The following PNKD variants were observed in gnomAD, a reference collection of about 807,000 sequenced individuals.
The protein encoded by PNKD is PNKD metallo-beta-lactamase domain containing.
PNKD carries 36 observed loss-of-function variants against 45.3 expected under a neutral mutation model. The ratio of observed to expected loss-of-function variants is 0.80; its 90% CI spans 0.61 to 1.05. PNKD has a LOEUF of 1.05. Ranked by LOEUF, PNKD falls within the 50% of genes least tolerant of loss-of-function variation. The probability of loss-of-function intolerance (pLI) is 0.00; values close to 1 mark genes in which losing one functional copy is unlikely to be tolerated. For missense variants in PNKD, 511 were observed against 506.6 expected, an observed-to-expected ratio of 1.01 and a Z score of -0.08; for synonymous variants, 197 against 210.1, an observed-to-expected ratio of 0.94 and a Z score of 0.54.
chr2:218,272,712 TCCTC>T, intron 2 of PNKD: 1 of 1,614,184 alleles, frequency 6.2e-7, no homozygotes, highest in Non-Finnish European at 8.5e-7. Context: ...GTTCAGGGCT[TCCTC>T]CCAGAGTGCC....
chr2:218,287,565 C>G (rs1246545482), intron 2 of PNKD, among the ~76,000 whole-genome samples: 1 of 152,110 alleles, frequency 6.6e-6, no homozygotes, highest in East Asian at 1.9e-4. Flanking sequence ...AAAAAATTAG[C>G]TGGGCGTGAT....
chr2:218,339,720 A>T (rs944738830), intron 2 of PNKD, 63 bp from the exon 3 acceptor site: 16 of 967,448 alleles, frequency 1.7e-5, no homozygotes, highest in Non-Finnish European at 2.7e-5. Flanking sequence ...TGCAGGCATC[A>T]CGAAGGAGTC....
intron 2 of PNKD, among the ~76,000 whole-genome samples, chr2:218,288,643 G>C (rs1692712979): frequency 6.6e-6 from 1 of 152,144 alleles, no homozygotes; most frequent in Admixed American, 6.6e-5. Flanking sequence ...TTTCAGATTA[G>C]GGACGCTCAA....
chr2:218,336,222 A>AAAAAT (rs1227547944), intron 2 of PNKD, among the ~76,000 whole-genome samples: 2 of 151,620 alleles, frequency 1.3e-5, no homozygotes, highest in Non-Finnish European at 2.9e-5. Flanking sequence ...TCAAAAAAAA[A>AAAAAT]AAAAAAGTTT....
chr2:218,314,834 C>T lies in PNKD; in HGVS notation c.237-24949C>T, dbSNP rs145559086. On this transcript the variant is annotated intron_variant, in intron 2 of 9. Coordinates refer to ENST00000273077, the MANE Select transcript of PNKD (RefSeq NM_015488.5). ...GTGCCCAAGTAGCTAGGATTACAGA[C>T]GCCTGCCACCATGCCCTGCTAATTT... Among the ~76,000 whole-genome samples the T allele has an allele frequency of 4.0e-3, 605 of 151,818 alleles. 4 individuals carry two copies. The highest frequency in any genetic ancestry group is 0.012 in the African/African-American group (483 of 41,438).
chr2:218,305,790 AGT>A (rs1480659688), intron 2 of PNKD, among the ~76,000 whole-genome samples: 2 of 152,188 alleles, frequency 1.3e-5, no homozygotes, highest in Non-Finnish European at 2.9e-5. Flanking sequence ...GAGTTAGAGT[AGT>A]GACCAGGCAG....
In PNKD at chr2:218,345,073, C is replaced by T; in HGVS notation, c.*92C>T. On this transcript the variant is annotated 3_prime_UTR_variant, in exon 10 of 10. Transcript: ENST00000273077. ...ATCCTTCTCATCGCTAACACCACCA[C>T]CTCCATCGGCACCCAAGCGGGCATC... The T allele has an allele frequency of 1.1e-6, 1 of 946,308 alleles. No individual in the cohort carries two copies. The highest frequency in any genetic ancestry group is 2.6e-5 in the East Asian group (1 of 38,986). 58.6% of individuals were successfully genotyped at this position (946,308 alleles called of 1,614,324 possible). A position where few individuals can be genotyped will look rare whatever the true frequency, so the allele number is the denominator to read the frequency against.
intron 2 of PNKD, chr2:218,276,104 G>T (rs1406840906): frequency 1.2e-6 from 2 of 1,610,310 alleles, no homozygotes; most frequent in Non-Finnish European, 1.7e-6. Context: ...GACAGAGAAT[G>T]GCATTAGAAA....
At chr2:218,338,930 C>T (rs1694584885) in intron 2 of PNKD, among the ~76,000 whole-genome samples, 1 of 151,520 alleles carries the variant, frequency 6.6e-6, no homozygotes, top group South Asian at 2.1e-4. Flanking sequence ...GTAGCTGGGA[C>T]CACAGGCGTG....
intron 2 of PNKD, among the ~76,000 whole-genome samples, chr2:218,300,405 T>C (rs939097645): frequency 4.8e-4 from 73 of 152,298 alleles, no homozygotes; most frequent in African/African-American, 1.7e-3. Context: ...AATCAGAGAA[T>C]TGCTGCCTAT....
chr2:218,304,282 G>A (rs1270891167), intron 2 of PNKD, among the ~76,000 whole-genome samples: 1 of 152,164 alleles, frequency 6.6e-6, no homozygotes, highest in Non-Finnish European at 1.5e-5. Flanking sequence ...AAGTAGCTGG[G>A]ATTACAGATG....
intron 2 of PNKD, among the ~76,000 whole-genome samples, chr2:218,316,322 T>A (rs1350608803): frequency 7.3e-6 from 1 of 137,152 alleles, no homozygotes. Flanking sequence ...CAGGCTGGAG[T>A]GCAGTGGCAC....
chr2:218,315,057 T>TCTTTTTCTTTCTTC lies in PNKD; in HGVS notation c.237-24723_237-24722insTTTCTTTCTTCCTT, dbSNP rs61429059. On this transcript the variant is annotated intron_variant, in intron 2 of 9. Transcript: ENST00000273077. ...CTTTCTTTTTCTTTCTTTCTTTCTTTCTTCCTTCCTTCCTTCCTTTCTTTC... is the reference window on the plus strand; with the variant it reads ...CTTTCTTTTTCTTTCTTTCTTTCTTTCTTTTTCTTTCTTCCTTCCTTCCTTCCTTCCTTTCTTTC... Among the ~76,000 whole-genome samples, 97 of 55,640 alleles carry TCTTTTTCTTTCTTC rather than the reference T, an allele frequency of 1.7e-3. 3 individuals carry two copies. The highest frequency in any genetic ancestry group is 5.6e-3 in the African/African-American group (94 of 16,730). 36.5% of individuals were successfully genotyped at this position (55,640 alleles called of 152,430 possible). A position where few individuals can be genotyped will look rare whatever the true frequency, so the allele number is the denominator to read the frequency against.
chr2:218,339,252 C>T lies in PNKD; in HGVS notation c.237-531C>T, dbSNP rs1694596906. Reference sequence around the variant, plus strand: ...AGACCCTGGGCTAGATTAAACCCCTCACTCTCCAAGTCTCTCTTTTTTTTT... The same window carrying T: ...AGACCCTGGGCTAGATTAAACCCCTTACTCTCCAAGTCTCTCTTTTTTTTT... On this transcript the variant is annotated intron_variant, in intron 2 of 9. Transcript: ENST00000273077. Among the ~76,000 whole-genome samples the T allele has an allele frequency of 3.3e-5, 5 of 152,262 alleles. No homozygotes were observed. In the South Asian group the frequency reaches 8.3e-4, roughly 25 times the overall value.
chr2:218,339,915 C>T lies in PNKD; in HGVS notation c.352+17C>T. On this transcript the variant is annotated intron_variant, in intron 3 of 9. Coordinates refer to ENST00000273077, the MANE Select transcript of PNKD (RefSeq NM_015488.5). ...TCTTCAATGGTGAGCTCTGACTGCC[C>T]CGGCCAGCATCCCCCATTCTGTGCC... 1 of 1,565,034 alleles carries T rather than the reference C, an allele frequency of 6.4e-7. No homozygotes were observed. Among genetic ancestry groups the T allele is most frequent in the Non-Finnish European group, 8.8e-7 (1 of 1,139,692 alleles).
chr2:218,340,515 G>A lies in PNKD; in HGVS notation c.466-213G>A, dbSNP rs914247253. 6.6e-6 allele frequency among the ~76,000 whole-genome samples: 1 copy of A among 151,726 alleles called. No homozygotes were observed. Among genetic ancestry groups the A allele is most frequent in the Non-Finnish European group, 1.5e-5 (1 of 67,932 alleles). On this transcript the variant is annotated intron_variant, in intron 4 of 9. Transcript: ENST00000273077. The surrounding 1 kb of genome is among the most constrained non-coding windows in gnomAD (Gnocchi z 4.2). ...TCCCTCCCATTCCTTATCTCTCTGTGTCTGCCTCTCTCTATGTACAAGTGT... is the reference window on the plus strand; with the variant it reads ...TCCCTCCCATTCCTTATCTCTCTGTATCTGCCTCTCTCTATGTACAAGTGT...
At chr2:218,299,234 G>A (rs1352717943) in intron 2 of PNKD, among the ~76,000 whole-genome samples, 1 of 152,068 alleles carries the variant, frequency 6.6e-6, no homozygotes, top group Non-Finnish European at 1.5e-5. Flanking sequence ...CTCCGCGTCC[G>A]AGGTTTAAAC....
In PNKD at chr2:218,322,880, C is replaced by A. The variant is rs10193189; in HGVS notation, c.237-16903C>A. ...TAAATCCATGAATGGCAGCTGACCC[C>A]GATGATCTCTCAGGTTTCTGCCAGT... On this transcript the variant is annotated intron_variant, in intron 2 of 9. Transcript: ENST00000273077. Among the ~76,000 whole-genome samples, 90,445 of 152,112 alleles carry A rather than the reference C, an allele frequency of 0.59. 27,310 individuals are homozygous for A. The highest frequency in any genetic ancestry group is 0.65 in the Admixed American group (9,883 of 15,292).
Position 218,344,913 on chromosome 2 carries a change from G to A in PNKD, c.1090G>A (p.Asp364Asn), listed in dbSNP as rs766821861. 14 of 1,614,040 alleles carry A rather than the reference G, an allele frequency of 8.7e-6. No individual in the cohort carries two copies. In the Admixed American group the frequency reaches 1.2e-4, roughly 13 times the overall value. Residue 364 changes from aspartate to asparagine, a missense_variant, in exon 10 of 10, where the codon GAT becomes AAT. By Grantham distance (23) the Asp-to-Asn change is conservative. Transcript: ENST00000273077. Reference protein sequence around the residue: ...LGPGPGPTGDDDYSRAQLLEE... With the variant: ...LGPGPGPTGDNDYSRAQLLEE... ...GCCGGGGCCGGGCCCCACTGGGGATGATGACTACTCCCGGGCCCAGCTCCT... is the reference window on the plus strand; with the variant it reads ...GCCGGGGCCGGGCCCCACTGGGGATAATGACTACTCCCGGGCCCAGCTCCT...
Sources: allele counts gnomAD v4.1 joint callset (sites outside exome capture counted in the v4.1 genomes callset), GRCh38; gene constraint gnomAD v4.1.1; non-coding constraint Gnocchi (gnomAD v3.1); transcripts MANE v1.5; gene names NCBI Gene and HGNC (gene_info 2026-07-23, HGNC 2026-07-21).